The following NWD2 variants were observed in gnomAD, a reference collection of about 807,000 sequenced individuals.
NWD2 encodes the protein NACHT and WD repeat domain-containing protein 2.
In NWD2, 37 loss-of-function variants were observed where a neutral mutation model predicts 132.7. The ratio of observed to expected loss-of-function variants is 0.28; its 90% CI spans 0.21 to 0.37. The LOEUF (loss-of-function observed/expected upper bound fraction) is 0.37. Among genes scored for constraint, NWD2 ranks in the 10% least tolerant of loss-of-function variants. The pLI is 1.00. For synonymous variants in NWD2, 705 were observed against 803.0 expected (o/e 0.88, Z 2.06); for missense variants, 1,592 against 2,122.4 (o/e 0.75, Z 4.91).
chr4:37,310,367 C>A (rs1718808924), intron 1 of NWD2, among the ~76,000 whole-genome samples: 1 of 152,058 alleles, frequency 6.6e-6, no homozygotes, highest in Non-Finnish European at 1.5e-5. Context: ...CTTGGTAGTA[C>A]CAGAAACAGA....
intron 3 of NWD2, among the ~76,000 whole-genome samples, chr4:37,368,810 T>C (rs1683744155): frequency 6.6e-6 from 1 of 152,156 alleles, no homozygotes; most frequent in Non-Finnish European, 1.5e-5. Flanking sequence ...CCAGACCTTC[T>C]AAGTTAAATT....
chr4:37,277,658 CT>C (rs560849493), intron 1 of NWD2, among the ~76,000 whole-genome samples: 1 of 151,484 alleles, frequency 6.6e-6, no homozygotes, highest in East Asian at 1.9e-4. Context: ...AAATGGTTTC[CT>C]TTTTTTTACA....
At chr4:37,415,905 A>G (rs1379490702) in intron 3 of NWD2, among the ~76,000 whole-genome samples, 1 of 152,192 alleles carries the variant, frequency 6.6e-6, no homozygotes. Context: ...TCTCAGGCCC[A>G]TGATGCACAG....
intron 1 of NWD2, among the ~76,000 whole-genome samples, chr4:37,322,756 G>C (rs1719094833): frequency 6.6e-6 from 1 of 152,146 alleles, no homozygotes; most frequent in African/African-American, 2.4e-5. Flanking sequence ...GGTAGCAGAA[G>C]GGACAGAAGT....
intron 2 of NWD2, among the ~76,000 whole-genome samples, chr4:37,345,872 G>A (rs1719624510): frequency 6.6e-6 from 1 of 152,126 alleles, no homozygotes; most frequent in South Asian, 2.1e-4. Flanking sequence ...CCTGAGGTTA[G>A]GAGTTAGAGA....
At chr4:37,337,705 CCTT>C (rs1719438905) in intron 2 of NWD2, among the ~76,000 whole-genome samples, 1 of 152,210 alleles carries the variant, frequency 6.6e-6, no homozygotes, top group Non-Finnish European at 1.5e-5. Context: ...GAGAGTATAA[CCTT>C]CTCCTTAAGC....
chr4:37,397,176 G>T (rs1348481208), intron 3 of NWD2, among the ~76,000 whole-genome samples: 2 of 152,132 alleles, frequency 1.3e-5, no homozygotes, highest in Non-Finnish European at 2.9e-5. Flanking sequence ...CAGCCCAGCA[G>T]GTGTGTCTAG....
At chr4:37,275,974 T>G (rs578170734) in intron 1 of NWD2, among the ~76,000 whole-genome samples, 13 of 152,238 alleles carry the variant, frequency 8.5e-5, no homozygotes, top group South Asian at 2.1e-4. Flanking sequence ...ACTTAAATGT[T>G]AGACCTAAAA....
intron 6 of NWD2, among the ~76,000 whole-genome samples, chr4:37,442,338 A>G (rs978324556): frequency 6.6e-6 from 1 of 152,166 alleles, no homozygotes. Flanking sequence ...TTCTTCTTAT[A>G]TTGACCTTTC....
Position 37,444,967 on chromosome 4 carries a change from C to T in NWD2, c.2979C>T (p.Thr993=). The T allele has an allele frequency of 6.4e-7, 1 of 1,552,080 alleles. No individual in the cohort carries two copies. The highest frequency in any genetic ancestry group is 8.7e-7 in the Non-Finnish European group (1 of 1,147,084). The change falls in exon 7 of 7, where the codon ACC becomes ACT. Residue 993 remains threonine (T), a synonymous_variant. Transcript: ENST00000309447. This position sits in a 1 kb window ranked among gnomAD's most constrained non-coding sequence, Gnocchi z 4.8. ...CTTTAGAAAATGGTTCCATCAGCACCTGGGATGTAGAGACTCGACAGCTAC... is the reference window on the plus strand; with the variant it reads ...CTTTAGAAAATGGTTCCATCAGCACTTGGGATGTAGAGACTCGACAGCTAC... ...LTALENGSIS[T]WDVETRQLLR...
In NWD2 at chr4:37,443,662, C is replaced by T; in HGVS notation, c.1674C>T (p.Cys558=). ...NKHGILQKLR[C]LIHEEDNYIE... is the part of the protein sequence containing the mutation. ...ATGGGATCTTGCAGAAACTAAGGTG[C>T]CTTATCCATGAAGAAGACAACTACA... is the stretch of plus-strand genomic sequence containing the variant. Residue 558 remains cysteine (C), a synonymous_variant, in exon 7 of 7, where the codon TGC becomes TGT. Coordinates refer to ENST00000309447, the MANE Select transcript of NWD2 (RefSeq NM_001144990.2). This position sits in a 1 kb window ranked among gnomAD's most constrained non-coding sequence, Gnocchi z 4.1. The T allele has an allele frequency of 6.4e-7, 1 of 1,552,060 alleles. No individual in the cohort carries two copies. Among genetic ancestry groups the T allele is most frequent in the Non-Finnish European group, 8.7e-7 (1 of 1,147,098 alleles).
intron 2 of NWD2, among the ~76,000 whole-genome samples, chr4:37,351,152 G>C (rs1194025692): frequency 6.6e-6 from 1 of 152,028 alleles, no homozygotes; most frequent in Admixed American, 6.6e-5. Flanking sequence ...TTTTTTTGTT[G>C]TGTCTCTGCC....
chr4:37,322,876 T>C (rs1719096841), intron 1 of NWD2, among the ~76,000 whole-genome samples: 1 of 152,206 alleles, frequency 6.6e-6, no homozygotes, highest in Admixed American at 6.5e-5. Context: ...AATTCAATTT[T>C]TTTTATTTCA....
intron 3 of NWD2, among the ~76,000 whole-genome samples, chr4:37,381,140 C>G (rs11942192): frequency 2.0e-5 from 3 of 152,082 alleles, no homozygotes; most frequent in African/African-American, 4.8e-5. Context: ...CCCCAAGAAG[C>G]CTGAAATGTG....
chr4:37,369,818 G>GA (rs1257087305), intron 3 of NWD2, among the ~76,000 whole-genome samples: 1 of 152,176 alleles, frequency 6.6e-6, no homozygotes, highest in Non-Finnish European at 1.5e-5. Context: ...TCCCTGCTTG[G>GA]AAATATGCAC....
chr4:37,253,952 G>A (rs1264163194), intron 1 of NWD2, among the ~76,000 whole-genome samples: 1 of 152,086 alleles, frequency 6.6e-6, no homozygotes, highest in Non-Finnish European at 1.5e-5. Context: ...CACAGTAACA[G>A]AAAACCAAAT....
chr4:37,244,760 G>C lies in NWD2; in HGVS notation c.-308G>C. 1 of 302,386 alleles carries C rather than the reference G, an allele frequency of 3.3e-6. No homozygotes were observed. 18.7% of individuals were successfully genotyped at this position (302,386 alleles called of 1,614,324 possible). On this transcript the variant is annotated 5_prime_UTR_variant, in exon 1 of 7. Transcript: ENST00000309447. The surrounding 1 kb of genome is among the most constrained non-coding windows in gnomAD (Gnocchi z 5.5). The stretch of plus-strand genomic sequence containing the variant: ...CCCGGCGCAAACGGGCGCTGCGCGC[G>C]TAGCCGCCGCCACGCTGACCTCCCG...
intron 1 of NWD2, among the ~76,000 whole-genome samples, chr4:37,246,428 TAGAA>T (rs976353698): frequency 5.9e-5 from 9 of 152,206 alleles, no homozygotes; most frequent in African/African-American, 2.2e-4. Flanking sequence ...TAATTAGTAT[TAGAA>T]AGACGATATA....
chr4:37,395,609 A>AAAAAAG (rs1491390186), intron 3 of NWD2, among the ~76,000 whole-genome samples: 5 of 149,052 alleles, frequency 3.4e-5, no homozygotes, highest in African/African-American at 1.2e-4. Flanking sequence ...AAAAAAAAAA[A>AAAAAAG]GAGTCTGCCT....
Sources: gnomAD v4.1 joint callset for allele counts (sites outside exome capture counted in the v4.1 genomes callset) on GRCh38, gnomAD v4.1.1 for gene constraint, Gnocchi (gnomAD v3.1) non-coding constraint, MANE v1.5 for transcripts, NCBI Gene and HGNC (gene_info 2026-07-23, HGNC 2026-07-21) for gene names.